SSMEM1: variants seen among roughly 807,000 people sequenced by gnomAD.
SSMEM1 encodes serine-rich single-pass membrane protein 1.
SSMEM1 carries 12 observed loss-of-function variants against 9.9 expected under a neutral mutation model. The ratio of observed to expected loss-of-function variants is 1.21; its 90% CI spans 0.78 to 1.96. The LOEUF is 1.96. Among genes scored for constraint, SSMEM1 ranks in the 30% most tolerant of loss-of-function variants. SSMEM1 has a pLI of 0.00. For missense variants in SSMEM1, 259 were observed against 292.2 expected (o/e 0.89, Z 0.83); for synonymous variants, 96 against 98.9 (o/e 0.97, Z 0.17).
intron 1 of SSMEM1, 26 bp downstream of exon 1, chr7:130,208,119 AT>A: frequency 6.3e-7 from 1 of 1,580,158 alleles, no homozygotes; most frequent in African/African-American, 1.4e-5. Flanking sequence ...TTCATTTTAA[AT>A]AATATGTTTA....
intron 2 of SSMEM1, 62 bp downstream of exon 2, chr7:130,213,596 G>T: frequency 6.9e-7 from 1 of 1,440,910 alleles, no homozygotes; most frequent in Non-Finnish European, 9.5e-7. Flanking sequence ...GGTGTTGCAT[G>T]CCTGTAGTCC....
At chr7:130,205,907 C>G (rs950922023), upstream of SSMEM1, among the ~76,000 whole-genome samples, 5 of 152,054 alleles carry the variant, frequency 3.3e-5, no homozygotes, top group Non-Finnish European at 5.9e-5. Flanking sequence ...ATTTCCTAAC[C>G]TCAAGGGATC....
chr7:130,206,293 G>A (rs180868260), upstream of SSMEM1, among the ~76,000 whole-genome samples: 1 of 151,458 alleles, frequency 6.6e-6, no homozygotes, highest in African/African-American at 2.4e-5. Context: ...AGGTGAGGTG[G>A]ATGCAGTGCT....
intron 1 of SSMEM1, among the ~76,000 whole-genome samples, chr7:130,210,138 A>G (rs1798565429): frequency 6.6e-6 from 1 of 152,212 alleles, no homozygotes. Flanking sequence ...GCTTCAAAGC[A>G]TAGTTTGAAA....
At chr7:130,205,609 A>G (rs1411835738), upstream of SSMEM1, 2 of 617,444 alleles carry the variant, frequency 3.2e-6, no homozygotes, top group African/African-American at 3.7e-5. Context: ...AGCAAAATTC[A>G]GACCAGGCTC....
chr7:130,213,459 T>C, intron 1 of SSMEM1, 21 bp from the exon 2 acceptor site: 1 of 1,606,646 alleles, frequency 6.2e-7, no homozygotes, highest in South Asian at 1.1e-5. Flanking sequence ...TCACTCTTAC[T>C]AACCTATGTT....
chr7:130,209,290 A>G (rs934525451), intron 1 of SSMEM1, among the ~76,000 whole-genome samples: 3 of 152,232 alleles, frequency 2.0e-5, no homozygotes, highest in African/African-American at 2.4e-5. Flanking sequence ...GTAAGACTTA[A>G]TGCTCTATGA....
intron 1 of SSMEM1, among the ~76,000 whole-genome samples, chr7:130,212,752 AAAAC>A (rs1330478637): frequency 1.3e-5 from 2 of 151,698 alleles, no homozygotes; most frequent in African/African-American, 4.9e-5. Flanking sequence ...CAAAAACAAA[AAAAC>A]AAAACAAAAA....
intron 1 of SSMEM1, among the ~76,000 whole-genome samples, chr7:130,209,840 A>G (rs960808538): frequency 2.6e-5 from 4 of 152,210 alleles, no homozygotes; most frequent in African/African-American, 9.6e-5. Context: ...GGCCTCCCAA[A>G]GTGCTGGCAT....
chr7:130,209,724 C>T (rs1271756267), intron 1 of SSMEM1, among the ~76,000 whole-genome samples: 3 of 152,154 alleles, frequency 2.0e-5, no homozygotes, highest in Non-Finnish European at 4.4e-5. Context: ...GGATTATAGG[C>T]GTGCATCTCC....
chr7:130,212,618 G>A (rs550403431), intron 1 of SSMEM1, among the ~76,000 whole-genome samples: 3 of 151,938 alleles, frequency 2.0e-5, no homozygotes, highest in East Asian at 3.9e-4. Flanking sequence ...CCAGCTACTC[G>A]GGAGGCTGAG....
upstream of SSMEM1, among the ~76,000 whole-genome samples, chr7:130,206,525 G>C (rs1798475179): frequency 6.6e-6 from 1 of 152,208 alleles, no homozygotes; most frequent in Admixed American, 6.5e-5. Flanking sequence ...ATACCACGTG[G>C]TATTGTATAT....
chr7:130,216,141 A>T lies in SSMEM1; in HGVS notation c.406A>T (p.Asn136Tyr), dbSNP rs1344219227. The T allele has an allele frequency of 6.2e-7, 1 of 1,614,086 alleles. No individual in the cohort carries two copies. Among genetic ancestry groups the T allele is most frequent in the East Asian group, 2.2e-5 (1 of 44,898 alleles). ...QRRARRQSQF[N>Y]EVNQNQHDSD... is the part of the protein sequence containing the mutation. ...ACGAGCCAGGCGCCAGTCTCAGTTC[A>T]ATGAGGTGAACCAGAACCAACATGA... The change falls in exon 3 of 3, where the codon AAT (asparagine) becomes TAT (tyrosine). Residue 136 changes from asparagine to tyrosine, a missense_variant. By Grantham distance (143) the Asn-to-Tyr change is moderately radical (BLOSUM62 -2). Coordinates refer to ENST00000297819, the MANE Select transcript of SSMEM1 (RefSeq NM_145268.4).
intron 1 of SSMEM1, among the ~76,000 whole-genome samples, chr7:130,208,948 C>T (rs865993588): frequency 6.6e-6 from 1 of 151,990 alleles, no homozygotes. Flanking sequence ...CTACAACCTC[C>T]GCCTCCCGGA....
chr7:130,209,118 C>T (rs1276196710), intron 1 of SSMEM1, among the ~76,000 whole-genome samples: 2 of 152,172 alleles, frequency 1.3e-5, no homozygotes, highest in East Asian at 3.9e-4. Context: ...CCGCTTTGGC[C>T]TCCCAAAGTG....
intron 2 of SSMEM1, among the ~76,000 whole-genome samples, chr7:130,214,404 C>G (rs1352098580): frequency 6.6e-6 from 1 of 151,914 alleles, no homozygotes; most frequent in Non-Finnish European, 1.5e-5. Flanking sequence ...CACAGTGAGT[C>G]CCTGACTCTA....
chr7:130,216,760 G>T lies in SSMEM1; in HGVS notation c.*290G>T. ...TTTGTGCCTTGAGTGTATATATTTTGTGCCTTGAGTGTATGTATTTTGTTT... is the reference window on the plus strand; with the variant it reads ...TTTGTGCCTTGAGTGTATATATTTTTTGCCTTGAGTGTATGTATTTTGTTT... On this transcript the variant is annotated 3_prime_UTR_variant, in exon 3 of 3. Coordinates refer to ENST00000297819, the MANE Select transcript of SSMEM1 (RefSeq NM_145268.4). 1 of 359,164 alleles carries T rather than the reference G, an allele frequency of 2.8e-6. No homozygotes were observed. The highest frequency in any genetic ancestry group is 4.4e-5 in the South Asian group (1 of 22,948). 22.2% of individuals were successfully genotyped at this position (359,164 alleles called of 1,614,324 possible).
At chr7:130,213,414 T>TA in intron 1 of SSMEM1, 66 bp from the exon 2 acceptor site, 1 of 1,355,902 alleles carries the variant, frequency 7.4e-7, no homozygotes, top group Non-Finnish European at 1.0e-6. Flanking sequence ...AATAGTGTTT[T>TA]ATAACAAGTA....
chr7:130,206,294 A>G (rs184871863), upstream of SSMEM1, among the ~76,000 whole-genome samples: 298 of 151,826 alleles, frequency 2.0e-3, no homozygotes, highest in African/African-American at 6.7e-3. Flanking sequence ...GGTGAGGTGG[A>G]TGCAGTGCTC....
Sources: gnomAD v4.1 joint callset for allele counts (sites outside exome capture counted in the v4.1 genomes callset) on GRCh38, gnomAD v4.1.1 for gene constraint, MANE v1.5 for transcripts, NCBI Gene and HGNC (gene_info 2026-07-23, HGNC 2026-07-21) for gene names.